PUS7L: variants seen among roughly 807,000 people sequenced by gnomAD.
The protein encoded by PUS7L is pseudouridylate synthase PUS7L.
PUS7L carries 49 observed loss-of-function variants against 51.1 expected under a neutral mutation model. That is an observed-to-expected ratio of 0.96 (90% CI 0.76 to 1.22). The LOEUF is 1.22. Ranked by LOEUF, PUS7L falls within the 50% of genes most tolerant of loss-of-function variation. The probability of loss-of-function intolerance (pLI) is 0.00; values close to 1 mark genes in which losing one functional copy is unlikely to be tolerated. For missense variants in PUS7L, 828 were observed against 820.6 expected, an observed-to-expected ratio of 1.01 and a Z score of -0.11; for synonymous variants, 277 against 276.2, an observed-to-expected ratio of 1.00 and a Z score of -0.03.
rs1057061931 is a variant in PUS7L at position 43,724,220 on chromosome 12, T to C, written c.*6156A>G. On this transcript the variant is annotated 3_prime_UTR_variant, in exon 9 of 9. Coordinates refer to ENST00000344862, the MANE Select transcript of PUS7L (RefSeq NM_031292.5). ...TAGAAAACGTTAAGGAACATTGACC[T>C]AGACAGCTCTTAAAGATCCTAATTT... 1 of 151,892 alleles carries C rather than the reference T, an allele frequency of 6.6e-6. No individual in the cohort carries two copies. Among genetic ancestry groups the C allele is most frequent in the African/African-American group, 2.4e-5 (1 of 41,412 alleles). The allele number at this position is 151,892 out of a possible 1,614,324, so 9.4% of individuals were successfully genotyped here. A position where few individuals can be genotyped will look rare whatever the true frequency, so the allele number is the denominator to read the frequency against.
intron 1 of PUS7L, 78 bp downstream of exon 1, chr12:43,758,652 T>TGGGGGGGG: frequency 2.8e-5 from 20 of 708,086 alleles, no homozygotes; most frequent in South Asian, 7.5e-5. Context: ...GCCAACCTCG[T>TGGGGGGGG]CACCCCCCCC....
intron 6 of PUS7L, among the ~76,000 whole-genome samples, chr12:43,736,865 TAAA>T (rs369648072): frequency 1.4e-5 from 2 of 139,032 alleles, no homozygotes. Context: ...TCCCTGCTAT[TAAA>T]AAAAAAAAAA....
In PUS7L at chr12:43,743,490, T is replaced by G. The variant is rs551714374; in HGVS notation, c.1264-935A>C. ...TTAAAAAATTAATTGCAGGCCAGGC[T>G]CAGTGGCTCACACCTGTAATCCCAG... On this transcript the variant is annotated intron_variant, in intron 4 of 8. Transcript: ENST00000344862. 1.4e-4 allele frequency among the ~76,000 whole-genome samples: 22 copies of G among 152,314 alleles called. 1 individual carries two copies. The highest frequency in any genetic ancestry group is 5.1e-4 in the African/African-American group (21 of 41,578).
chr12:43,752,222 C>T (rs1315399761), intron 2 of PUS7L, among the ~76,000 whole-genome samples: 1 of 152,254 alleles, frequency 6.6e-6, no homozygotes, highest in East Asian at 1.9e-4. Flanking sequence ...CAAAGGGGCT[C>T]ATTTACGTGG....
At chr12:43,753,881 CTTGGGTAGGGAAATAT>C (rs1938569146) in intron 2 of PUS7L, among the ~76,000 whole-genome samples, 1 of 152,110 alleles carries the variant, frequency 6.6e-6, no homozygotes, top group Non-Finnish European at 1.5e-5. Context: ...GGTTCCCTAC[CTTGGGTAGGGAAATAT>C]AATTTGTTTT....
chr12:43,743,188 T>G (rs1313630840), intron 4 of PUS7L, among the ~76,000 whole-genome samples: 2 of 152,298 alleles, frequency 1.3e-5, no homozygotes, highest in African/African-American at 4.8e-5. Flanking sequence ...GTTTTAAAAC[T>G]GTCACATTAC....
At chr12:43,732,676 C>T (rs1211717786) in intron 7 of PUS7L, among the ~76,000 whole-genome samples, 1 of 152,230 alleles carries the variant, frequency 6.6e-6, no homozygotes, top group Non-Finnish European at 1.5e-5. Flanking sequence ...AGCGCATTCT[C>T]ATATTCCTAA....
In PUS7L at chr12:43,731,762, G is replaced by T. The variant is rs371094977; in HGVS notation, c.1726-4C>A. The T allele has an allele frequency of 6.4e-7, 1 of 1,551,720 alleles. No individual in the cohort carries two copies. The highest frequency in any genetic ancestry group is 1.2e-5 in the South Asian group (1 of 86,760). ...CCTCTTCAGTTACCAGGTGAATCTA[G>T]TTTTAAAAAACATGAAAATATGAAT... On this transcript the variant is annotated splice_polypyrimidine_tract_variant and splice_region_variant and intron_variant, in intron 7 of 8. Transcript: ENST00000344862.
rs1247078699 is a variant in PUS7L, at chr12:43,729,624, A to G, written c.*752T>C. On this transcript the variant is annotated 3_prime_UTR_variant, in exon 9 of 9. Transcript: ENST00000344862. ...ATGAAGTTGTAATTGTCTTGATTCT[A>G]TCAGTAACCACACACAAAAAAATCA... 6.3e-6 allele frequency: 1 copy of G among 158,230 alleles called. No homozygotes were observed. Among genetic ancestry groups the G allele is most frequent in the Non-Finnish European group, 1.4e-5 (1 of 72,188 alleles). The allele number at this position is 158,230 out of a possible 1,614,324, so 9.8% of individuals were successfully genotyped here.
At position 43,754,407 on chromosome 12, in the gene PUS7L, A is replaced by T. The variant is rs1181858187; in HGVS notation, c.839T>A (p.Phe280Tyr). ...CCCACGTTTGTGTGCTTTTTCCCGA[A>T]ATCTTACTGTTACCACCACATTCGG... ...GNPNVVVTVR[F>Y]REKAHKRGKR... The change falls in exon 2 of 9, where the codon TTT (phenylalanine) becomes TAT (tyrosine). Residue 280 changes from phenylalanine to tyrosine, a missense_variant. Phe to Tyr is a conservative substitution (Grantham distance 22). Transcript: ENST00000344862. 6.2e-7 allele frequency: 1 copy of T among 1,612,118 alleles called. No homozygotes were observed. Among genetic ancestry groups the T allele is most frequent in the African/African-American group, 1.3e-5 (1 of 74,748 alleles).
intron 6 of PUS7L, chr12:43,738,089 C>A: frequency 2.4e-6 from 1 of 415,150 alleles, no homozygotes; most frequent in Non-Finnish European, 4.3e-6. Flanking sequence ...TCCCATTGCC[C>A]CTACCCCTAG....
rs1351886038 is a variant in PUS7L at position 43,728,410 on chromosome 12, A to C, written c.*1966T>G. 6.6e-6 allele frequency: 1 copy of C among 152,156 alleles called. No homozygotes were observed. Among genetic ancestry groups the C allele is most frequent in the Non-Finnish European group, 1.5e-5 (1 of 67,998 alleles). The allele number at this position is 152,156 out of a possible 1,614,324, so 9.4% of individuals were successfully genotyped here. ...CTTTCGTATTTTCTGATTGCTATTC[A>C]AAACTTTTAAAAACTAGGATTTAAT... On this transcript the variant is annotated 3_prime_UTR_variant, in exon 9 of 9. Coordinates refer to ENST00000344862, the MANE Select transcript of PUS7L (RefSeq NM_031292.5).
At position 43,754,544 on chromosome 12, in the gene PUS7L, T is replaced by C. The variant is rs763588219; in HGVS notation, c.702A>G (p.Lys234=). The C allele has an allele frequency of 5.2e-5, 84 of 1,610,318 alleles. No individual in the cohort carries two copies. The South Asian group carries it at 8.1e-4, about 15-fold the overall frequency. Reference sequence around the variant, plus strand: ...TTCTGTGGTCTTTGTTTGTATCAGGTTTAAAGGTAAATTTGGAATTTTCTT... The same window carrying C: ...TTCTGTGGTCTTTGTTTGTATCAGGCTTAAAGGTAAATTTGGAATTTTCTT... ...AKKENSKFTF[K]PDTNKDHRKA... Residue 234 remains lysine (K), a synonymous_variant, in exon 2 of 9, where the codon AAA becomes AAG. Coordinates refer to ENST00000344862, the MANE Select transcript of PUS7L (RefSeq NM_031292.5).
At position 43,728,327 on chromosome 12, in the gene PUS7L, CTA is replaced by C. The variant is rs1944482149; in HGVS notation, c.*2047_*2048del. The C allele has an allele frequency of 6.6e-6, 1 of 151,944 alleles. No homozygotes were observed. Among genetic ancestry groups the C allele is most frequent in the African/African-American group, 2.4e-5 (1 of 41,366 alleles). 9.4% of individuals were successfully genotyped at this position (151,944 alleles called of 1,614,324 possible). A position where few individuals can be genotyped will look rare whatever the true frequency, so the allele number is the denominator to read the frequency against. On this transcript the variant is annotated 3_prime_UTR_variant, in exon 9 of 9. Coordinates refer to ENST00000344862, the MANE Select transcript of PUS7L (RefSeq NM_031292.5). ...ATTTACTAAATAAATCAATAAATGTCTAAAATTATAGTGCCATCTGCAGGCAA... is the reference window on the plus strand; with the variant it reads ...ATTTACTAAATAAATCAATAAATGTCAAATTATAGTGCCATCTGCAGGCAA...
intron 7 of PUS7L, 152 bp downstream of exon 7, chr12:43,736,229 G>A: frequency 4.4e-6 from 3 of 678,030 alleles, no homozygotes. Flanking sequence ...TAAACTGACA[G>A]CAGACTTGAA....
At chr12:43,758,654 A>ACCCCC (rs760755963) in intron 1 of PUS7L, 76 bp downstream of exon 1, 3 of 462,568 alleles carry the variant, frequency 6.5e-6, no homozygotes, top group African/African-American at 7.0e-5. Context: ...CAACCTCGTC[A>ACCCCC]CCCCCCCCCC....
In PUS7L at chr12:43,730,597, T is replaced by C. The variant is rs1944529451; in HGVS notation, c.1885A>G (p.Lys629Glu). The change falls in exon 9 of 9, where the codon AAA becomes GAA. Residue 629 changes from lysine to glutamate, a missense_variant. Transcript: ENST00000344862. The stretch of plus-strand genomic sequence containing the variant: ...ATATTCAGTTTCAGAGTAGGTACTT[T>C]AAACCTACATGTCTGTAGTCCATCT... Reference protein sequence around the residue: ...SRDGLQTCRFKVPTLKLNIPG... With the variant: ...SRDGLQTCRFEVPTLKLNIPG... The C allele has an allele frequency of 6.2e-7, 1 of 1,612,782 alleles. No individual in the cohort carries two copies. Among genetic ancestry groups the C allele is most frequent in the Non-Finnish European group, 8.5e-7 (1 of 1,178,840 alleles).
Position 43,729,091 on chromosome 12 carries a change from T to C in PUS7L, c.*1285A>G, listed in dbSNP as rs923946109. 5.1e-6 allele frequency: 2 copies of C among 392,596 alleles called. No homozygotes were observed. The highest frequency in any genetic ancestry group is 7.2e-5 in the East Asian group (2 of 27,750). The allele number at this position is 392,596 out of a possible 1,614,324, so 24.3% of individuals were successfully genotyped here. ...GGCAACATTTTCTCATGAAACTAAA[T>C]TGTTCATTGCTTTTTTAAATAACTA... On this transcript the variant is annotated 3_prime_UTR_variant, in exon 9 of 9. Transcript: ENST00000344862.
At chr12:43,748,257 A>AT (rs1464889793) in intron 3 of PUS7L, among the ~76,000 whole-genome samples, 193 bp downstream of exon 3, 4 of 152,090 alleles carry the variant, frequency 2.6e-5, no homozygotes, top group South Asian at 2.1e-4. Context: ...TTTCACGAGG[A>AT]TTTTTTTTAA....
Sources: gnomAD v4.1 joint callset for allele counts (sites outside exome capture counted in the v4.1 genomes callset) on GRCh38, gnomAD v4.1.1 for gene constraint, MANE v1.5 for transcripts, NCBI Gene and HGNC (gene_info 2026-07-23, HGNC 2026-07-21) for gene names.